The following ZNF521 variants were observed in gnomAD, a reference collection of about 807,000 sequenced individuals.
ZNF521 encodes LYST-interacting protein 3.
ZNF521 carries 14 observed loss-of-function variants against 105.5 expected under a neutral mutation model. The observed-to-expected ratio is 0.13, with a 90% CI of 0.09 to 0.21. The LOEUF (loss-of-function observed/expected upper bound fraction) is 0.21, where lower values mean the gene tolerates loss of function less well. Ranked by LOEUF, ZNF521 falls within the 10% of genes least tolerant of loss-of-function variation. The probability of loss-of-function intolerance (pLI) is 1.00; values close to 1 mark genes in which losing one functional copy is unlikely to be tolerated. For missense variants in ZNF521, 1,233 were observed against 1,629.7 expected (o/e 0.76, Z 4.19); for synonymous variants, 635 against 606.0 (o/e 1.05, Z -0.70).
intron 4 of ZNF521, among the ~76,000 whole-genome samples, chr18:25,203,551 A>C (rs113657017): frequency 6.6e-6 from 1 of 152,226 alleles, no homozygotes; most frequent in African/African-American, 2.4e-5. Context: ...CAGGAGTTTG[A>C]GGCTGCAGTG....
chr18:25,147,262 A>T (rs1433436008), intron 5 of ZNF521, among the ~76,000 whole-genome samples: 1 of 152,144 alleles, frequency 6.6e-6, no homozygotes, highest in East Asian at 1.9e-4. Flanking sequence ...TACCTTTAAT[A>T]CTGAAGTGTA....
At chr18:25,157,726 T>G (rs146490126) in intron 5 of ZNF521, among the ~76,000 whole-genome samples, 2 of 152,190 alleles carry the variant, frequency 1.3e-5, no homozygotes, top group East Asian at 3.9e-4. Context: ...AACTATTACC[T>G]GTGTGGCCTT....
At chr18:25,301,121 G>A (rs913110841) in intron 3 of ZNF521, among the ~76,000 whole-genome samples, 1 of 152,118 alleles carries the variant, frequency 6.6e-6, no homozygotes, top group Non-Finnish European at 1.5e-5. Flanking sequence ...CCAGTTTTAC[G>A]GTGTTTCTGG....
chr18:25,344,707 C>A (rs189284254), intron 2 of ZNF521, among the ~76,000 whole-genome samples: 1 of 151,504 alleles, frequency 6.6e-6, no homozygotes, highest in African/African-American at 2.5e-5. Context: ...TCTTTCACAT[C>A]TTACTTAATG....
intron 4 of ZNF521, among the ~76,000 whole-genome samples, chr18:25,203,013 C>T (rs1365350535): frequency 6.6e-6 from 1 of 152,174 alleles, no homozygotes; most frequent in Non-Finnish European, 1.5e-5. Flanking sequence ...CCATGTAACA[C>T]TTTACATCAT....
chr18:25,282,768 T>C (rs959066495), intron 3 of ZNF521, among the ~76,000 whole-genome samples: 3 of 152,066 alleles, frequency 2.0e-5, no homozygotes, highest in Admixed American at 6.5e-5. Flanking sequence ...TTTTCCCCCC[T>C]TTAGGCCTTT....
Position 25,224,665 on chromosome 18 carries a change from T to C in ZNF521, c.3253A>G (p.Ile1085Val). ...CACAGACCATATGGCAGGCCATTGA[T>C]ATCAAGTTTCACCAGATCTTGCTTG... ...RSKQDLVKLD[I>V]NGLPYGLCAG... The change falls in exon 4 of 8, where the codon ATC (isoleucine) becomes GTC (valine). Residue 1085 changes from isoleucine to valine, a missense_variant. By Grantham distance (29) the Ile-to-Val change is conservative. Transcript: ENST00000361524. The C allele has an allele frequency of 6.2e-7, 1 of 1,614,102 alleles. No homozygotes were observed. Among genetic ancestry groups the C allele is most frequent in the Non-Finnish European group, 8.5e-7 (1 of 1,180,026 alleles).
chr18:25,082,016 C>T (rs1300382148), intron 7 of ZNF521, among the ~76,000 whole-genome samples: 2 of 152,144 alleles, frequency 1.3e-5, no homozygotes, highest in African/African-American at 4.8e-5. Flanking sequence ...AAACATAGCA[C>T]CAATCAATAA....
chr18:25,083,962 T>G (rs1485022275), intron 7 of ZNF521, among the ~76,000 whole-genome samples: 1 of 112,974 alleles, frequency 8.9e-6, no homozygotes. Context: ...TTTTTTTTTT[T>G]GGTAGAGATG....
intron 2 of ZNF521, among the ~76,000 whole-genome samples, chr18:25,344,252 C>G (rs1306087699): frequency 6.8e-6 from 1 of 146,248 alleles, no homozygotes; most frequent in Non-Finnish European, 1.5e-5. Flanking sequence ...AGAGATTTAT[C>G]TTGTGTCGGG....
At chr18:25,348,567 T>C (rs1282259570) in intron 2 of ZNF521, among the ~76,000 whole-genome samples, 1 of 152,312 alleles carries the variant, frequency 6.6e-6, no homozygotes, top group Admixed American at 6.5e-5. Flanking sequence ...CCTGAGGCCA[T>C]TCGCTCTTTT....
Position 25,064,749 on chromosome 18 carries a change from G to A in ZNF521, c.3907-2008C>T, listed in dbSNP as rs78506643. 6.6e-5 allele frequency among the ~76,000 whole-genome samples: 10 copies of A among 152,286 alleles called. No homozygotes were observed. The South Asian group carries it at 1.7e-3, about 25-fold the overall frequency. On this transcript the variant is annotated intron_variant, in intron 7 of 7. Coordinates refer to ENST00000361524, the MANE Select transcript of ZNF521 (RefSeq NM_015461.3). ...ATTGGGGCTGCGTGCAGAAGTTGGC[G>A]GGGGGCTGGGAGCCTTGTGAAGAGG...
intron 7 of ZNF521, among the ~76,000 whole-genome samples, chr18:25,072,094 A>G (rs1470707064): frequency 6.6e-6 from 1 of 152,018 alleles, no homozygotes; most frequent in Admixed American, 6.6e-5. Flanking sequence ...AAAACGGCCT[A>G]TTTTCACCAC....
At chr18:25,203,825 T>C (rs2036033346) in intron 4 of ZNF521, among the ~76,000 whole-genome samples, 1 of 152,198 alleles carries the variant, frequency 6.6e-6, no homozygotes, top group South Asian at 2.1e-4. Context: ...TTTAAGTATA[T>C]GAAGTATATT....
intron 5 of ZNF521, among the ~76,000 whole-genome samples, chr18:25,173,285 C>A (rs1299475276): frequency 1.3e-5 from 2 of 152,154 alleles, no homozygotes; most frequent in Non-Finnish European, 2.9e-5. Context: ...TTTGATGAGC[C>A]CCCAAGGAGG....
intron 3 of ZNF521, among the ~76,000 whole-genome samples, chr18:25,308,794 G>C (rs1236208198): frequency 6.6e-6 from 1 of 152,020 alleles, no homozygotes; most frequent in Non-Finnish European, 1.5e-5. Context: ...ATGCATAGTG[G>C]TATTGGGAAA....
In ZNF521 at chr18:25,204,378, A is replaced by G. The variant is rs542753300; in HGVS notation, c.3574-9134T>C. On this transcript the variant is annotated intron_variant, in intron 4 of 7. Transcript: ENST00000361524. ...TATTTTATTTTCAAAGGTATCCCCA[A>G]TAGTCAAAAACCAGGAAATAATTGA... 2.9e-4 allele frequency among the ~76,000 whole-genome samples: 44 copies of G among 152,256 alleles called. No individual in the cohort carries two copies. The South Asian group carries it at 8.9e-3, about 31-fold the overall frequency.
At chr18:25,140,464 G>A (rs547931489) in intron 5 of ZNF521, among the ~76,000 whole-genome samples, 2 of 152,294 alleles carry the variant, frequency 1.3e-5, no homozygotes, top group East Asian at 1.9e-4. Context: ...AGGTTTCAGC[G>A]TTTGTTAAGA....
chr18:25,351,223 GAAA>G lies in ZNF521; in HGVS notation c.-1-279_-1-277del, dbSNP rs1231562502. ...TTCGACCCCCACCCCCAATCTCCAAGAAAAAAAAAAAAAAAGGAAAAAGAAAAA... is the reference window on the plus strand; with the variant it reads ...TTCGACCCCCACCCCCAATCTCCAAGAAAAAAAAAAAAGGAAAAAGAAAAA... On this transcript the variant is annotated intron_variant, in intron 1 of 7. Coordinates refer to ENST00000361524, the MANE Select transcript of ZNF521 (RefSeq NM_015461.3). 6 of 43,848 alleles carry G rather than the reference GAAA, an allele frequency of 1.4e-4. No homozygotes were observed. The South Asian group carries it at 1.6e-3, about 12-fold the overall frequency. 2.7% of individuals were successfully genotyped at this position (43,848 alleles called of 1,614,324 possible). A position where few individuals can be genotyped will look rare whatever the true frequency, so the allele number is the denominator to read the frequency against.
Sources: gnomAD v4.1 joint callset for allele counts (sites outside exome capture counted in the v4.1 genomes callset) on GRCh38, gnomAD v4.1.1 for gene constraint, MANE v1.5 for transcripts, NCBI Gene and HGNC (gene_info 2026-07-23, HGNC 2026-07-21) for gene names.